Variants in STPG2 observed in about 807,000 individuals in gnomAD.
STPG2 encodes the protein sperm-tail PG-rich repeat-containing protein 2.
Under a neutral mutation model 54.2 loss-of-function variants are expected in STPG2, and 56 were observed. That is an observed-to-expected ratio of 1.03 (90% CI 0.83 to 1.29). The LOEUF is 1.29. STPG2 is among the 50% of genes most tolerant of loss of function. The pLI is 0.00. For missense variants in STPG2, 596 were observed against 544.9 expected, an observed-to-expected ratio of 1.09 and a Z score of -0.93; for synonymous variants, 200 against 181.8, an observed-to-expected ratio of 1.10 and a Z score of -0.81.
chr4:97,817,520 A>G (rs1330882795), intron 9 of STPG2, among the ~76,000 whole-genome samples: 1 of 151,988 alleles, frequency 6.6e-6, no homozygotes, highest in Non-Finnish European at 1.5e-5. Flanking sequence ...CCTTATAAAT[A>G]GAATAAATTA....
intron 10 of STPG2, among the ~76,000 whole-genome samples, chr4:97,639,697 T>A (rs1361035998): frequency 1.3e-5 from 2 of 151,986 alleles, no homozygotes; most frequent in Admixed American, 6.6e-5. Context: ...TTTCCAGAAT[T>A]TTTAAGGGTT....
intron 6 of STPG2, among the ~76,000 whole-genome samples, chr4:97,975,444 T>C (rs1239180914): frequency 6.6e-6 from 1 of 152,234 alleles, no homozygotes; most frequent in Non-Finnish European, 1.5e-5. Context: ...CTTTTATTTT[T>C]CTGTGCATAT....
At chr4:97,863,281 C>T (rs796182985) in intron 8 of STPG2, among the ~76,000 whole-genome samples, 14 of 152,284 alleles carry the variant, frequency 9.2e-5, no homozygotes, top group African/African-American at 3.1e-4. Flanking sequence ...ACCGATCCCA[C>T]AGAAATACAA....
chr4:97,823,864 C>T (rs1038504422), intron 9 of STPG2, among the ~76,000 whole-genome samples: 5 of 152,064 alleles, frequency 3.3e-5, no homozygotes, highest in African/African-American at 1.2e-4. Context: ...GTTAAAGGCC[C>T]CTCTTACTAA....
At chr4:97,939,054 TTTCA>T (rs1460909874) in intron 8 of STPG2, among the ~76,000 whole-genome samples, 1 of 152,196 alleles carries the variant, frequency 6.6e-6, no homozygotes, top group Non-Finnish European at 1.5e-5. Context: ...TCTGCCTTAA[TTTCA>T]TTATTTACCC....
At chr4:97,912,530 A>G (rs1305176441) in intron 8 of STPG2, among the ~76,000 whole-genome samples, 4 of 152,248 alleles carry the variant, frequency 2.6e-5, no homozygotes, top group Admixed American at 6.5e-5. Flanking sequence ...ACTCACAAGT[A>G]TCAATACCAG....
intron 10 of STPG2, among the ~76,000 whole-genome samples, chr4:97,684,915 T>C (rs964917698): frequency 6.6e-6 from 1 of 151,894 alleles, no homozygotes; most frequent in African/African-American, 2.4e-5. Context: ...GAAAAAGATA[T>C]GAACAGACAC....
At chr4:97,651,038 C>A (rs1418592468) in intron 10 of STPG2, among the ~76,000 whole-genome samples, 1 of 151,866 alleles carries the variant, frequency 6.6e-6, no homozygotes, top group East Asian at 1.9e-4. Context: ...GCTTAGCCTT[C>A]AGTGAGTATA....
intron 10 of STPG2, among the ~76,000 whole-genome samples, chr4:97,560,627 A>G (rs1037178419): frequency 6.6e-6 from 1 of 152,206 alleles, no homozygotes; most frequent in Non-Finnish European, 1.5e-5. Flanking sequence ...TTACCAGAGA[A>G]GAGAGAAGTA....
At chr4:97,679,996 T>C (rs1253146278) in intron 10 of STPG2, among the ~76,000 whole-genome samples, 2 of 152,182 alleles carry the variant, frequency 1.3e-5, no homozygotes, top group African/African-American at 4.8e-5. Context: ...ATCTCTGTTT[T>C]GGTACCAGTG....
chr4:97,805,350 G>A (rs1423748648), intron 9 of STPG2, among the ~76,000 whole-genome samples: 2 of 152,078 alleles, frequency 1.3e-5, no homozygotes, highest in Non-Finnish European at 2.9e-5. Flanking sequence ...TGGGATTACA[G>A]GCGCGCACCA....
chr4:97,746,028 A>G (rs1461401192), intron 9 of STPG2, among the ~76,000 whole-genome samples: 1 of 151,206 alleles, frequency 6.6e-6, no homozygotes, highest in African/African-American at 2.4e-5. Context: ...AGATGTTTCA[A>G]TAGCTGATTT....
intron 8 of STPG2, among the ~76,000 whole-genome samples, chr4:97,867,747 A>G (rs1421331147): frequency 2.0e-5 from 3 of 152,136 alleles, no homozygotes; most frequent in Non-Finnish European, 2.9e-5. Context: ...TACTCTGCCA[A>G]CCTTAACATG....
intron 8 of STPG2, among the ~76,000 whole-genome samples, chr4:97,903,561 A>T (rs1731263642): frequency 6.6e-6 from 1 of 152,224 alleles, no homozygotes; most frequent in Non-Finnish European, 1.5e-5. Context: ...TAAAAGACCA[A>T]TAAAACTCAT....
chr4:97,798,456 G>A (rs1009047952), intron 9 of STPG2, among the ~76,000 whole-genome samples: 1 of 152,146 alleles, frequency 6.6e-6, no homozygotes, highest in African/African-American at 2.4e-5. Flanking sequence ...TAGTCATTCA[G>A]GAGCAGGTTG....
At chr4:98,130,552 C>A (rs1019418230) in intron 2 of STPG2, among the ~76,000 whole-genome samples, 2 of 152,014 alleles carry the variant, frequency 1.3e-5, no homozygotes, top group African/African-American at 4.8e-5. Flanking sequence ...GGATTAATTA[C>A]CAAATTAAAA....
At chr4:97,569,240 A>C (rs533709680) in intron 10 of STPG2, among the ~76,000 whole-genome samples, 10 of 152,288 alleles carry the variant, frequency 6.6e-5, no homozygotes, top group African/African-American at 2.4e-4. Context: ...GGACATTGCC[A>C]GGGCGTTTGT....
intron 9 of STPG2, among the ~76,000 whole-genome samples, chr4:97,727,127 ATTAC>A (rs1178214201): frequency 6.6e-6 from 1 of 151,866 alleles, no homozygotes; most frequent in Non-Finnish European, 1.5e-5. Context: ...TAGACACATA[ATTAC>A]TTATAGTTTG....
At chr4:97,521,883 G>T (rs1004405204) in intron 4 of STPG2, among the ~76,000 whole-genome samples, 1 of 151,874 alleles carries the variant, frequency 6.6e-6, no homozygotes, top group African/African-American at 2.4e-5. Context: ...GCTGAGGCAG[G>T]TGAATAACCC....
Sources: gnomAD v4.1 joint callset for allele counts (sites outside exome capture counted in the v4.1 genomes callset) on GRCh38, gnomAD v4.1.1 for gene constraint, MANE v1.5 for transcripts, NCBI Gene and HGNC (gene_info 2026-07-23, HGNC 2026-07-21) for gene names.